Variants in NINJ2 observed in about 807,000 individuals in gnomAD.
The protein encoded by NINJ2 is ninjurin-2.
In NINJ2, 12 loss-of-function variants were observed where a neutral mutation model predicts 11.7. The observed-to-expected ratio is 1.02, with a 90% confidence interval of 0.66 to 1.66. NINJ2 has a LOEUF of 1.66. NINJ2 is among the 40% of genes most tolerant of loss of function. NINJ2 has a pLI of 0.00. For missense variants in NINJ2, 187 were observed against 181.8 expected (o/e 1.03, Z -0.16); for synonymous variants, 93 against 76.8 (o/e 1.21, Z -1.10).
At chr12:620,691 G>A (rs763148531) in intron 1 of NINJ2, among the ~76,000 whole-genome samples, 4 of 152,098 alleles carry the variant, frequency 2.6e-5, no homozygotes, top group African/African-American at 9.7e-5. Flanking sequence ...GTGCAGTGGC[G>A]CAATCTTGGC....
In NINJ2 at chr12:585,815, T is replaced by C. The variant is rs1947629604; in HGVS notation, c.34-19637A>G. ...CGGAGTTTGTGATTAATTACGGGAA[T>C]GGGTGCCAAGTGAGAGATACAAAGG... On this transcript the variant is annotated intron_variant, in intron 1 of 3. Coordinates refer to ENST00000305108, the MANE Select transcript of NINJ2 (RefSeq NM_016533.6). This position sits in a 1 kb window ranked among gnomAD's most constrained non-coding sequence, Gnocchi z 4.1. The C allele has an allele frequency of 6.6e-6, 1 of 152,266 alleles. No homozygotes were observed. The highest frequency in any genetic ancestry group is 6.5e-5 in the Admixed American group (1 of 15,276). The allele number at this position is 152,266 out of a possible 1,614,324, so 9.4% of individuals were successfully genotyped here.
At chr12:604,958 GTAAGA>G (rs1742590431) in intron 1 of NINJ2, among the ~76,000 whole-genome samples, 1 of 152,214 alleles carries the variant, frequency 6.6e-6, no homozygotes, top group Non-Finnish European at 1.5e-5. Context: ...AGTGGCCCCA[GTAAGA>G]TAAGTACAGG....
At chr12:652,269 T>C (rs925038121) in intron 1 of NINJ2, among the ~76,000 whole-genome samples, 1 of 152,210 alleles carries the variant, frequency 6.6e-6, no homozygotes, top group Admixed American at 6.5e-5. Flanking sequence ...GAGTGAAATC[T>C]TCAAAGCATT....
chr12:656,946 C>T (rs1378867768), intron 1 of NINJ2, among the ~76,000 whole-genome samples: 2 of 152,050 alleles, frequency 1.3e-5, no homozygotes, highest in Non-Finnish European at 2.9e-5. Flanking sequence ...CGGGCATCCA[C>T]GTGTAAAAAT....
At chr12:643,348 G>T in intron 1 of NINJ2, 1 of 765,222 alleles carries the variant, frequency 1.3e-6, no homozygotes, top group Non-Finnish European at 1.6e-6. Context: ...GGGTGGGGAG[G>T]GGAGGGTGGC....
In NINJ2 at chr12:636,332, T is replaced by C. The variant is rs181326798; in HGVS notation, c.33+26996A>G. Among the ~76,000 whole-genome samples, 526 of 152,048 alleles carry C rather than the reference T, an allele frequency of 3.5e-3. 8 individuals carry two copies. The highest frequency in any genetic ancestry group is 0.012 in the African/African-American group (481 of 41,480). On this transcript the variant is annotated intron_variant, in intron 1 of 3. Transcript: ENST00000305108. ...CAGAGGTTGTGGTGAGCTGAGATCATGCCATTGCACTCCAGCCTGGGCAAC... is the reference window on the plus strand; with the variant it reads ...CAGAGGTTGTGGTGAGCTGAGATCACGCCATTGCACTCCAGCCTGGGCAAC...
chr12:625,716 C>T (rs1948204439), intron 1 of NINJ2, among the ~76,000 whole-genome samples: 1 of 152,152 alleles, frequency 6.6e-6, no homozygotes, highest in African/African-American at 2.4e-5. Context: ...AGTACCTTCT[C>T]AGAGCTTGGT....
intron 1 of NINJ2, among the ~76,000 whole-genome samples, chr12:570,058 C>T (rs1036915778): frequency 8.5e-5 from 13 of 152,220 alleles, no homozygotes; most frequent in African/African-American, 2.9e-4. Flanking sequence ...GGACGGGAGC[C>T]TCGCCCGCAA....
intron 1 of NINJ2, among the ~76,000 whole-genome samples, chr12:627,916 T>C (rs189802489): frequency 4.6e-5 from 7 of 152,068 alleles, no homozygotes; most frequent in African/African-American, 7.2e-5. Flanking sequence ...GCCTGAGCGA[T>C]AGAGCGAGAC....
In NINJ2 at chr12:653,518, C is replaced by CATA. The variant is rs765648399; in HGVS notation, c.33+9809_33+9810insTAT. ...GATTGTTTTGTTATCATAAGGTACT[C>CATA]ACACGATCCATGAAATGGTATAGTG... On this transcript the variant is annotated intron_variant, in intron 1 of 3. Transcript: ENST00000305108. Among the ~76,000 whole-genome samples the CATA allele has an allele frequency of 1.5e-4, 23 of 152,056 alleles. 1 individual carries two copies. The East Asian group carries it at 4.4e-3, about 29-fold the overall frequency.
intron 2 of NINJ2, 87 bp from the exon 3 acceptor site, chr12:565,488 GA>G: frequency 7.3e-7 from 1 of 1,373,704 alleles, no homozygotes; most frequent in Non-Finnish European, 1.0e-6. Flanking sequence ...AGTTTGGAGA[GA>G]GGGGCCCTTC....
rs771979815 is a variant in NINJ2, at chr12:565,994, G to T, written c.218C>A (p.Ser73Tyr). The T allele has an allele frequency of 1.2e-5, 20 of 1,614,136 alleles. No homozygotes were observed. Among genetic ancestry groups the T allele is most frequent in the Admixed American group, 5.0e-5 (3 of 60,018 alleles). The change falls in exon 2 of 4, where the codon TCT becomes TAT. Residue 73 changes from serine (S) to tyrosine (Y), a missense_variant. Coordinates refer to ENST00000305108, the MANE Select transcript of NINJ2 (RefSeq NM_016533.6). ...ACCGATGACCACCTGCAGGAGCAGA[G>T]AGAGGCTGATGAGGGTGACCAGGGT... The part of the protein sequence containing the change: ...YTTLVTLISL[S>Y]LLLQVVIGVL...
chr12:611,239 C>A (rs1246056724), intron 1 of NINJ2, among the ~76,000 whole-genome samples: 3 of 121,296 alleles, frequency 2.5e-5, no homozygotes, highest in African/African-American at 1.0e-4. Flanking sequence ...TTCTTTCTTT[C>A]TTTCTTTCTC....
intron 1 of NINJ2, among the ~76,000 whole-genome samples, chr12:656,947 G>A (rs988204670): frequency 2.6e-5 from 4 of 152,098 alleles, no homozygotes; most frequent in African/African-American, 9.7e-5. Context: ...GGGCATCCAC[G>A]TGTAAAAATA....
At chr12:655,419 T>C (rs1209645419) in intron 1 of NINJ2, among the ~76,000 whole-genome samples, 1 of 152,166 alleles carries the variant, frequency 6.6e-6, no homozygotes, top group African/African-American at 2.4e-5. Flanking sequence ...TATAGCAAGG[T>C]TGCAGGATAC....
At chr12:568,767 G>A (rs917352587) in intron 1 of NINJ2, among the ~76,000 whole-genome samples, 1 of 152,194 alleles carries the variant, frequency 6.6e-6, no homozygotes, top group African/African-American at 2.4e-5. Context: ...ACTTTGGCCA[G>A]TGGAGCAATT....
chr12:608,956 T>C (rs982847348), intron 1 of NINJ2, among the ~76,000 whole-genome samples: 1 of 152,116 alleles, frequency 6.6e-6, no homozygotes, highest in African/African-American at 2.4e-5. Flanking sequence ...GGGTTGTTGT[T>C]GTTTAATTCA....
chr12:654,608 T>C (rs1399410103), intron 1 of NINJ2, among the ~76,000 whole-genome samples: 2 of 150,748 alleles, frequency 1.3e-5, no homozygotes, highest in Non-Finnish European at 3.0e-5. Flanking sequence ...TGAAAATCAA[T>C]TAATGCTAGG....
intron 1 of NINJ2, among the ~76,000 whole-genome samples, chr12:569,777 C>T (rs962715053): frequency 2.0e-5 from 3 of 152,200 alleles, no homozygotes; most frequent in African/African-American, 7.2e-5. Context: ...ATCTGAGAGC[C>T]ATTGCTTCAC....
Sources: allele counts gnomAD v4.1 joint callset (sites outside exome capture counted in the v4.1 genomes callset), GRCh38; gene constraint gnomAD v4.1.1; non-coding constraint Gnocchi (gnomAD v3.1); transcripts MANE v1.5; gene names NCBI Gene and HGNC (gene_info 2026-07-23, HGNC 2026-07-21).